Variants in SAMD12 observed in about 807,000 individuals in gnomAD.
SAMD12 encodes the protein sterile alpha motif domain-containing protein 12.
A neutral mutation model predicts 15.0 loss-of-function variants in SAMD12; 9 were observed. The observed-to-expected ratio is 0.60, with a 90% CI of 0.36 to 1.05. The LOEUF is 1.05. SAMD12 is among the 50% of genes least tolerant of loss of function. The pLI is 0.01. For synonymous variants in SAMD12, 86 were observed against 90.1 expected, an observed-to-expected ratio of 0.96 and a Z score of 0.25; for missense variants, 230 against 234.2, an observed-to-expected ratio of 0.98 and a Z score of 0.12.
At chr8:118,451,461 G>T (rs1199338266) in intron 2 of SAMD12, among the ~76,000 whole-genome samples, 2 of 152,134 alleles carry the variant, frequency 1.3e-5, no homozygotes, top group African/African-American at 4.8e-5. Context: ...ATACAATAGG[G>T]CAATGCTAAT....
chr8:118,172,747 C>CT, the SAMD12 span, among the ~76,000 whole-genome samples: 17 of 151,938 alleles, frequency 1.1e-4, no homozygotes, highest in African/African-American at 3.6e-4. Context: ...CCTCTCTTTC[C>CT]TTTTTTTTGT....
chr8:118,598,929 C>G (rs1312359174), intron 1 of SAMD12, among the ~76,000 whole-genome samples: 1 of 152,212 alleles, frequency 6.6e-6, no homozygotes, highest in Non-Finnish European at 1.5e-5. Flanking sequence ...TTAAGAACCA[C>G]TGAGTAAGGC....
intron 4 of SAMD12, among the ~76,000 whole-genome samples, chr8:118,347,047 C>T (rs1817700037): frequency 6.6e-6 from 1 of 152,168 alleles, no homozygotes; most frequent in African/African-American, 2.4e-5. Flanking sequence ...CCATGGCCCA[C>T]CTTGAATAGC....
chr8:118,204,711 G>A (rs534080889), intron 4 of SAMD12, among the ~76,000 whole-genome samples: 6 of 152,104 alleles, frequency 3.9e-5, no homozygotes, highest in East Asian at 1.9e-4. Flanking sequence ...CCGAGATTGC[G>A]TCACTGCACT....
chr8:118,258,803 T>C (rs777446914), intron 4 of SAMD12, among the ~76,000 whole-genome samples: 12 of 152,098 alleles, frequency 7.9e-5, no homozygotes, highest in Non-Finnish European at 1.6e-4. Flanking sequence ...GTGACATTAA[T>C]AGTAATCGCA....
the SAMD12 span, among the ~76,000 whole-genome samples, chr8:118,180,939 T>A: frequency 3.9e-5 from 6 of 152,198 alleles, no homozygotes; most frequent in Admixed American, 3.9e-4. Context: ...TCAGCCTGAG[T>A]ACTGTGGGGG....
At chr8:118,502,335 C>T (rs570554777) in intron 2 of SAMD12, among the ~76,000 whole-genome samples, 5 of 152,084 alleles carry the variant, frequency 3.3e-5, no homozygotes, top group African/African-American at 9.6e-5. Flanking sequence ...TTGATGAATA[C>T]GAAATTTGAA....
At chr8:118,306,965 A>G (rs1478419220) in intron 4 of SAMD12, among the ~76,000 whole-genome samples, 1 of 152,212 alleles carries the variant, frequency 6.6e-6, no homozygotes, top group East Asian at 1.9e-4. Flanking sequence ...TTTCTCTGAA[A>G]GCAGGGTAAG....
intron 4 of SAMD12, among the ~76,000 whole-genome samples, chr8:118,304,288 T>C (rs1034352580): frequency 4.6e-5 from 7 of 152,234 alleles, no homozygotes; most frequent in African/African-American, 1.7e-4. Flanking sequence ...AGAAAGTGTT[T>C]TGAAATGTCA....
chr8:118,306,192 G>A (rs947783393), intron 4 of SAMD12, among the ~76,000 whole-genome samples: 1 of 152,186 alleles, frequency 6.6e-6, no homozygotes, highest in South Asian at 2.1e-4. Flanking sequence ...AACACTTGGA[G>A]TGGCATCTGT....
chr8:118,469,887 T>C (rs1823742405), intron 2 of SAMD12, among the ~76,000 whole-genome samples: 1 of 152,044 alleles, frequency 6.6e-6, no homozygotes, highest in Non-Finnish European at 1.5e-5. Context: ...TATGTAGTTA[T>C]TTCAACATTA....
chr8:118,303,038 T>C (rs186582836), intron 4 of SAMD12, among the ~76,000 whole-genome samples: 3 of 152,324 alleles, frequency 2.0e-5, no homozygotes, highest in East Asian at 1.9e-4. Flanking sequence ...GGCTTTAAAT[T>C]TACAAGTGAA....
At chr8:118,590,785 T>A (rs1401619076) in intron 1 of SAMD12, among the ~76,000 whole-genome samples, 3 of 152,000 alleles carry the variant, frequency 2.0e-5, no homozygotes, top group Non-Finnish European at 4.4e-5. Context: ...CAAAAGACAA[T>A]CCATAGACAC....
At chr8:118,359,025 GTATA>G (rs1023408690) in intron 4 of SAMD12, among the ~76,000 whole-genome samples, 1 of 146,752 alleles carries the variant, frequency 6.8e-6, no homozygotes, top group Non-Finnish European at 1.5e-5. Flanking sequence ...GTGTGTGTGT[GTATA>G]TATATATATG....
intron 4 of SAMD12, among the ~76,000 whole-genome samples, chr8:118,312,389 C>G (rs1308724997): frequency 6.6e-6 from 1 of 152,168 alleles, no homozygotes; most frequent in East Asian, 1.9e-4. Context: ...ACTTGAAAGG[C>G]CATCCTCATC....
chr8:118,601,181 T>C (rs1266634431), intron 1 of SAMD12, among the ~76,000 whole-genome samples: 4 of 152,186 alleles, frequency 2.6e-5, no homozygotes, highest in Admixed American at 2.0e-4. Flanking sequence ...AATGGGTATA[T>C]ATAATAAGCA....
At chr8:118,423,981 C>T (rs1586704044) in intron 3 of SAMD12, among the ~76,000 whole-genome samples, 2 of 151,954 alleles carry the variant, frequency 1.3e-5, no homozygotes, top group African/African-American at 2.4e-5. Context: ...TTCTTTCTAC[C>T]TTGAGTTACT....
intron 2 of SAMD12, among the ~76,000 whole-genome samples, chr8:118,479,507 T>C (rs917462934): frequency 6.6e-6 from 1 of 152,128 alleles, no homozygotes; most frequent in African/African-American, 2.4e-5. Flanking sequence ...ACGAGAACAG[T>C]ATGGGGGAAA....
chr8:118,593,257 A>G (rs1439382420), intron 1 of SAMD12, among the ~76,000 whole-genome samples: 1 of 152,180 alleles, frequency 6.6e-6, no homozygotes, highest in African/African-American at 2.4e-5. Context: ...CACTTTAAAA[A>G]CTTGCAGTGG....
Sources: gnomAD v4.1 joint callset for allele counts (sites outside exome capture counted in the v4.1 genomes callset) on GRCh38, gnomAD v4.1.1 for gene constraint, MANE v1.5 for transcripts, NCBI Gene and HGNC (gene_info 2026-07-23, HGNC 2026-07-21) for gene names.